DIAPH2: variants seen among roughly 807,000 people sequenced by gnomAD.
The protein encoded by DIAPH2 is diaphanous related formin 2.
Under a neutral mutation model 92.7 loss-of-function variants are expected in DIAPH2, and 35 were observed. The observed-to-expected ratio is 0.38, with a 90% CI of 0.29 to 0.50. The LOEUF (loss-of-function observed/expected upper bound fraction) is 0.50. Among genes scored for constraint, DIAPH2 ranks in the 20% least tolerant of loss-of-function variants. DIAPH2 has a pLI of 0.94. For synonymous variants in DIAPH2, 301 were observed against 280.4 expected, an observed-to-expected ratio of 1.07 and a Z score of -0.73; for missense variants, 701 against 819.5, an observed-to-expected ratio of 0.86 and a Z score of 1.77.
chrX:97,499,299 A>G (rs1327849241), intron 26 of DIAPH2, among the ~76,000 whole-genome samples: 1 of 111,986 alleles, frequency 8.9e-6, no homozygotes, highest in Non-Finnish European at 1.9e-5. Flanking sequence ...TATTTTGTCC[A>G]TGAGGCACCT....
intron 19 of DIAPH2, among the ~76,000 whole-genome samples, chrX:97,088,055 T>C (rs1250559535): frequency 8.9e-6 from 1 of 111,979 alleles, no homozygotes; most frequent in South Asian, 3.7e-4. Flanking sequence ...GGCATTCTTT[T>C]TCCTCCATCA....
chrX:96,767,256 T>C (rs919276584), intron 4 of DIAPH2, among the ~76,000 whole-genome samples: 3 of 111,274 alleles, frequency 2.7e-5, no homozygotes, highest in Non-Finnish European at 5.7e-5. Flanking sequence ...TCTCACATAC[T>C]ATGAGTCTTT....
intron 22 of DIAPH2, among the ~76,000 whole-genome samples, chrX:97,201,524 A>C (rs2067750176): frequency 9.3e-6 from 1 of 107,951 alleles, no homozygotes. Flanking sequence ...TGAAGCATAC[A>C]CAAGGATCAA....
At chrX:97,137,001 C>G (rs2067174686) in intron 21 of DIAPH2, among the ~76,000 whole-genome samples, 1 of 108,106 alleles carries the variant, frequency 9.3e-6, no homozygotes, top group Non-Finnish European at 1.9e-5. Flanking sequence ...CTTAAAAGTA[C>G]CATGCATCAT....
At chrX:97,280,318 C>CA (rs11339890) in intron 23 of DIAPH2, among the ~76,000 whole-genome samples, 13 of 105,575 alleles carry the variant, frequency 1.2e-4, no homozygotes, top group South Asian at 4.3e-4. Flanking sequence ...ACTAAAAATA[C>CA]AAAAAAAAAA....
intron 23 of DIAPH2, among the ~76,000 whole-genome samples, chrX:97,289,565 A>C (rs1037105842): frequency 2.0e-4 from 22 of 111,357 alleles, no homozygotes; most frequent in African/African-American, 6.9e-4. Flanking sequence ...GGAACTTTTA[A>C]AAAATACTGA....
intron 26 of DIAPH2, among the ~76,000 whole-genome samples, chrX:97,438,103 A>G (rs2070207235): frequency 9.5e-6 from 1 of 104,964 alleles, no homozygotes; most frequent in Admixed American, 1.0e-4. Context: ...CCTGGGCAAC[A>G]TAGTGAGACC....
chrX:97,348,064 T>C (rs1341789963), intron 23 of DIAPH2, 52 bp from the exon 24 acceptor site: 2 of 1,103,576 alleles, frequency 1.8e-6, no homozygotes, highest in Non-Finnish European at 2.5e-6. Context: ...CATCTAGTGA[T>C]TGATTGCCTT....
chrX:97,548,377 C>T (rs1169245911), intron 26 of DIAPH2, among the ~76,000 whole-genome samples: 1 of 112,061 alleles, frequency 8.9e-6, no homozygotes, highest in African/African-American at 3.2e-5. Context: ...TCTTCTGCGG[C>T]TCTTTGTTGT....
chrX:97,331,442 T>C (rs1233279484), intron 23 of DIAPH2, among the ~76,000 whole-genome samples: 1 of 112,078 alleles, frequency 8.9e-6, no homozygotes, highest in East Asian at 2.8e-4. Context: ...CATACATACC[T>C]ACACGTACAC....
intron 26 of DIAPH2, among the ~76,000 whole-genome samples, chrX:97,497,811 A>C (rs1178869678): frequency 9.0e-6 from 1 of 111,041 alleles, no homozygotes; most frequent in Non-Finnish European, 1.9e-5. Context: ...TCCCCTAAGA[A>C]AGAAATTGCG....
At chrX:97,432,828 G>T (rs972689940) in intron 26 of DIAPH2, among the ~76,000 whole-genome samples, 4 of 111,223 alleles carry the variant, frequency 3.6e-5, no homozygotes, top group African/African-American at 1.3e-4. Flanking sequence ...TTGCCCTATT[G>T]CCCAGGCTGG....
chrX:97,338,311 G>A (rs963691992), intron 23 of DIAPH2, among the ~76,000 whole-genome samples: 3 of 111,682 alleles, frequency 2.7e-5, no homozygotes, highest in African/African-American at 9.8e-5. Context: ...ACTTGTCAAT[G>A]CATATTCATC....
chrX:97,364,831 G>T (rs1425094369), intron 24 of DIAPH2, among the ~76,000 whole-genome samples: 1 of 99,638 alleles, frequency 1.0e-5, no homozygotes, highest in African/African-American at 3.8e-5. Context: ...CTTACTTTTG[G>T]TCCTGCATAT....
intron 17 of DIAPH2, among the ~76,000 whole-genome samples, chrX:97,060,265 T>A (rs997171723): frequency 8.9e-6 from 1 of 112,436 alleles, no homozygotes; most frequent in Non-Finnish European, 1.9e-5. Flanking sequence ...ACAGCAGGTT[T>A]GAAATAGTTT....
Position 97,429,669 on chromosome X carries a change from G to T in DIAPH2, c.3165G>T (p.Val1055=). The T allele has an allele frequency of 2.5e-6, 3 of 1,210,248 alleles. No homozygotes were observed. Among genetic ancestry groups the T allele is most frequent in the Non-Finnish European group, 3.4e-6 (3 of 895,037 alleles). The change falls in exon 26 of 27, where the codon GTG becomes GTT. Residue 1055 remains valine (V), a synonymous_variant. Coordinates refer to ENST00000324765, the MANE Select transcript of DIAPH2 (RefSeq NM_006729.5). The part of the protein sequence containing the change: ...DINKEGDETG[V]MDNLLEALQS... ...CTCCAGAGGGTGATGAGACTGGTGT[G>T]ATGGATAATCTTCTAGAAGCCCTAC...
intron 23 of DIAPH2, among the ~76,000 whole-genome samples, chrX:97,294,472 G>T (rs957322389): frequency 9.0e-6 from 1 of 111,641 alleles, no homozygotes; most frequent in Non-Finnish European, 1.9e-5. Flanking sequence ...ATAGCACTTT[G>T]TCTAGTTTTT....
intron 22 of DIAPH2, among the ~76,000 whole-genome samples, chrX:97,145,156 C>G (rs1296297785): frequency 1.8e-5 from 2 of 111,692 alleles, no homozygotes; most frequent in African/African-American, 6.5e-5. Flanking sequence ...GTTTACTCAT[C>G]TGTAAAATGA....
chrX:97,449,347 C>T (rs2070339417), intron 26 of DIAPH2, among the ~76,000 whole-genome samples: 1 of 111,980 alleles, frequency 8.9e-6, no homozygotes, highest in African/African-American at 3.2e-5. Context: ...GCATTCAAAT[C>T]TGGTGTTAGT....
Sources: gnomAD v4.1 joint callset for allele counts (sites outside exome capture counted in the v4.1 genomes callset) on GRCh38, gnomAD v4.1.1 for gene constraint, MANE v1.5 for transcripts, NCBI Gene and HGNC (gene_info 2026-07-23, HGNC 2026-07-21) for gene names.